Variants in FMNL3 observed in about 807,000 individuals in gnomAD.
FMNL3 encodes formin-like protein 3.
FMNL3 carries 57 observed loss-of-function variants against 119.6 expected under a neutral mutation model. That is an observed-to-expected ratio of 0.48 (90% CI 0.39 to 0.59). FMNL3 has a LOEUF of 0.59. FMNL3 is among the 20% of genes least tolerant of loss of function. The pLI is 0.00. For synonymous variants in FMNL3, 491 were observed against 507.3 expected (o/e 0.97, Z 0.43); for missense variants, 1,053 against 1,323.5 (o/e 0.80, Z 3.17).
At position 49,657,138 on chromosome 12, in the gene FMNL3, G is replaced by T. The variant is rs201016800; in HGVS notation, c.658C>A (p.Gln220Lys). The T allele has an allele frequency of 1.2e-5, 19 of 1,614,134 alleles. No homozygotes were observed. Among genetic ancestry groups the T allele is most frequent in the Middle Eastern group, 3.3e-4 (2 of 6,060 alleles). Residue 220 changes from glutamine to lysine, a missense_variant, in exon 7 of 26, where the codon CAG (glutamine) becomes AAG (lysine). Physicochemically the swap from Gln to Lys is moderately conservative, Grantham distance 53. Around this residue, in one of 4 missense-constraint regions of FMNL3, gnomAD observed 445 missense variants for 628.4 expected, o/e 0.71. Coordinates refer to ENST00000335154, the MANE Select transcript of FMNL3 (RefSeq NM_175736.5). ...ATACAGACGTGGACGTCATCCTTCT[G>T]GCTCACTAGGCGGGAGTTCTTCAGG... ...RALKNSRLVS[Q>K]KDDVHVCILC... is the part of the protein sequence containing the mutation.
At chr12:49,691,642 G>T (rs1475095961) in intron 1 of FMNL3, among the ~76,000 whole-genome samples, 3 of 152,210 alleles carry the variant, frequency 2.0e-5, no homozygotes, top group African/African-American at 7.2e-5. Flanking sequence ...CAGGGCAGTG[G>T]CCAGTTGCTG....
Position 49,644,426 on chromosome 12 carries a change from T to C in FMNL3, c.*1389A>G. 1.8e-6 allele frequency: 1 copy of C among 549,750 alleles called. No individual in the cohort carries two copies. The highest frequency in any genetic ancestry group is 3.2e-5 in the East Asian group (1 of 31,444). The allele number at this position is 549,750 out of a possible 1,614,324, so 34.1% of individuals were successfully genotyped here. ...TCAGCCCCAGACCAGAGATGGGTGG[T>C]ATATGCCATGTGGGGTGGGTGATGC... On this transcript the variant is annotated 3_prime_UTR_variant, in exon 26 of 26. Coordinates refer to ENST00000335154, the MANE Select transcript of FMNL3 (RefSeq NM_175736.5).
At chr12:49,706,173 T>A (rs191138742) in intron 1 of FMNL3, among the ~76,000 whole-genome samples, 7 of 152,348 alleles carry the variant, frequency 4.6e-5, no homozygotes. Flanking sequence ...TTCCCGGTGA[T>A]ACCAGCTCAG....
chr12:49,650,005 G>GTTGTGTC, intron 17 of FMNL3, 80 bp from the exon 18 acceptor site: 1 of 1,259,310 alleles, frequency 7.9e-7, no homozygotes, highest in Non-Finnish European at 1.1e-6. Context: ...CAAGCTCCTA[G>GTTGTGTC]AAGAACTGGA....
rs750340891 is a variant in FMNL3 at position 49,642,714 on chromosome 12, T to C, written c.*3101A>G. ...GTCCTCTGGATCTGCCTCAGGCCCT[T>C]GAACTCATTAGACCAGTTCAACAGA... On this transcript the variant is annotated 3_prime_UTR_variant, in exon 26 of 26. Transcript: ENST00000335154. The surrounding 1 kb of genome is among the most constrained non-coding windows in gnomAD (Gnocchi z 5.8). The C allele has an allele frequency of 1.9e-6, 3 of 1,594,004 alleles. No individual in the cohort carries two copies. Among genetic ancestry groups the C allele is most frequent in the Non-Finnish European group, 2.6e-6 (3 of 1,168,476 alleles).
At position 49,644,218 on chromosome 12, in the gene FMNL3, G is replaced by T. The variant is rs763969459; in HGVS notation, c.*1597C>A. ...CCCAATGAGCTGTTCTCTGCCTCGG[G>T]TCTGTGTGAGGCCATGGCTCCTGGG... On this transcript the variant is annotated 3_prime_UTR_variant, in exon 26 of 26. Transcript: ENST00000335154. The T allele has an allele frequency of 2.5e-6, 4 of 1,612,390 alleles. No individual in the cohort carries two copies. Among genetic ancestry groups the T allele is most frequent in the Non-Finnish European group, 3.4e-6 (4 of 1,178,730 alleles).
In FMNL3 at chr12:49,707,246, G is replaced by C. The variant is rs1218581704; in HGVS notation, c.-66C>G. ...ACGCTCCGGAGCTTTCGGCTCCGCG[G>C]CTCCGACCAGGCTCCTCCCTCAGCG... On this transcript the variant is annotated 5_prime_UTR_variant, in exon 1 of 26. Transcript: ENST00000335154. 7.3e-7 allele frequency: 1 copy of C among 1,369,826 alleles called. No individual in the cohort carries two copies. The highest frequency in any genetic ancestry group is 9.5e-7 in the Non-Finnish European group (1 of 1,050,526). The allele number at this position is 1,369,826 out of a possible 1,614,324, so 84.9% of individuals were successfully genotyped here.
chr12:49,697,753 G>C (rs545115935), intron 1 of FMNL3, among the ~76,000 whole-genome samples: 1 of 152,126 alleles, frequency 6.6e-6, no homozygotes, highest in Admixed American at 6.5e-5. Context: ...GTTGTCTCCT[G>C]TAAGCATCCT....
At chr12:49,682,255 A>G (rs892189008) in intron 1 of FMNL3, among the ~76,000 whole-genome samples, 2 of 152,006 alleles carry the variant, frequency 1.3e-5, no homozygotes, top group Admixed American at 6.6e-5. Flanking sequence ...TATTTTTAGT[A>G]GAGACGGGGT....
intron 1 of FMNL3, among the ~76,000 whole-genome samples, chr12:49,672,290 G>T (rs1478925769): frequency 6.6e-6 from 1 of 152,044 alleles, no homozygotes; most frequent in African/African-American, 2.4e-5. Context: ...TTATCTTGAG[G>T]GGTGGGGGAC....
At chr12:49,651,837 T>C (rs1943412005) in intron 14 of FMNL3, 96 bp downstream of exon 14, 4 of 1,450,694 alleles carry the variant, frequency 2.8e-6, no homozygotes, top group Non-Finnish European at 3.6e-6. Flanking sequence ...ATAATGCCAT[T>C]TTCCCAGCTT....
In FMNL3 at chr12:49,649,322, C is replaced by G; in HGVS notation, c.2322G>C (p.Gly774=). Reference sequence around the variant, plus strand: ...CCCGCTTGCTGCTGTTCATGTAGTTCCCCAGTGCAAGTATGATCTGTCCAA... The same window carrying G: ...CCCGCTTGCTGCTGTTCATGTAGTTGCCCAGTGCAAGTATGATCTGTCCAA... ...KQMLEIILAL[G]NYMNSSKRGA... Residue 774 remains glycine (G), a synonymous_variant, in exon 20 of 26, where the codon GGG becomes GGC. Coordinates refer to ENST00000335154, the MANE Select transcript of FMNL3 (RefSeq NM_175736.5). The surrounding 1 kb of genome is among the most constrained non-coding windows in gnomAD (Gnocchi z 5.6). The G allele has an allele frequency of 6.2e-7, 1 of 1,614,164 alleles. No homozygotes were observed. Among genetic ancestry groups the G allele is most frequent in the Non-Finnish European group, 8.5e-7 (1 of 1,180,040 alleles).
chr12:49,662,055 G>GATAAAGGAAACACAGTGGA lies in FMNL3; in HGVS notation c.369-25_369-7dup. ...TCAGAAATTCCCGCACCCACCTGCA[G>GATAAAGGAAACACAGTGGA]ATAAAGGAAACACAGTGGAAGGGGT... is the stretch of plus-strand genomic sequence containing the variant. On this transcript the variant is annotated splice_region_variant and splice_polypyrimidine_tract_variant and intron_variant, in intron 4 of 25. Transcript: ENST00000335154. 8 of 1,614,106 alleles carry GATAAAGGAAACACAGTGGA rather than the reference G, an allele frequency of 5.0e-6. No homozygotes were observed. The highest frequency in any genetic ancestry group is 6.8e-6 in the Non-Finnish European group (8 of 1,180,006).
rs2138572420 is a variant in FMNL3, at chr12:49,638,467, T to C, written c.*7348A>G. 6.6e-6 allele frequency: 1 copy of C among 152,376 alleles called. No individual in the cohort carries two copies. Among genetic ancestry groups the C allele is most frequent in the African/African-American group, 2.4e-5 (1 of 41,578 alleles). 9.4% of individuals were successfully genotyped at this position (152,376 alleles called of 1,614,324 possible). A position where few individuals can be genotyped will look rare whatever the true frequency, so the allele number is the denominator to read the frequency against. On this transcript the variant is annotated 3_prime_UTR_variant, in exon 26 of 26. Coordinates refer to ENST00000335154, the MANE Select transcript of FMNL3 (RefSeq NM_175736.5). The stretch of plus-strand genomic sequence containing the variant: ...ATTCCTTAGTGCCTTCTTGATACTG[T>C]CGCAAGTGTCAGCTGCCATTTACCA...
chr12:49,693,769 C>T (rs1424671182), intron 1 of FMNL3, among the ~76,000 whole-genome samples: 3 of 150,366 alleles, frequency 2.0e-5, no homozygotes, highest in Non-Finnish European at 4.4e-5. Flanking sequence ...CTGCATCGGC[C>T]TCCTGACTAG....
rs775235828 is a variant in FMNL3, at chr12:49,661,951, C to G, written c.452+15G>C. Reference sequence around the variant, plus strand: ...CCCAACTGGTCCCCAACTTCAGCCCCGGGGTGGTACTCACATGACAGAACA... The same window carrying G: ...CCCAACTGGTCCCCAACTTCAGCCCGGGGGTGGTACTCACATGACAGAACA... On this transcript the variant is annotated intron_variant, in intron 5 of 25. Transcript: ENST00000335154. The G allele has an allele frequency of 6.2e-7, 1 of 1,613,332 alleles. No individual in the cohort carries two copies. Among genetic ancestry groups the G allele is most frequent in the Non-Finnish European group, 8.5e-7 (1 of 1,179,304 alleles).
At chr12:49,657,412 C>T (rs550352099) in intron 6 of FMNL3, among the ~76,000 whole-genome samples, 14 of 152,260 alleles carry the variant, frequency 9.2e-5, no homozygotes, top group Admixed American at 7.2e-4. Flanking sequence ...TTCAGGATCC[C>T]GGTTTTATAA....
chr12:49,654,264 C>G lies in FMNL3; in HGVS notation c.999G>C (p.Ser333=), dbSNP rs748780465. The stretch of plus-strand genomic sequence containing the variant: ...GGACCCGGAAGTTCATGTCCTCCAC[C>G]GAGTGCACCACGATGTTGATGAACT... ...CMQFINIVVH[S]VEDMNFRVHL... is the part of the protein sequence containing the mutation. Residue 333 remains serine, a synonymous_variant, in exon 11 of 26, where the codon TCG becomes TCC. Coordinates refer to ENST00000335154, the MANE Select transcript of FMNL3 (RefSeq NM_175736.5). 13 of 1,613,920 alleles carry G rather than the reference C, an allele frequency of 8.1e-6. No individual in the cohort carries two copies. The highest frequency in any genetic ancestry group is 1.1e-5 in the Non-Finnish European group (13 of 1,180,008).
rs1234572488 is a variant in FMNL3 at position 49,640,159 on chromosome 12, T to C, written c.*5656A>G. ...AGGCAGACCATGATGGTGCCTTTCA[T>C]CCCATAGGATAATGCAAAGAGCCCT... On this transcript the variant is annotated 3_prime_UTR_variant, in exon 26 of 26. Transcript: ENST00000335154. 4 of 152,142 alleles carry C rather than the reference T, an allele frequency of 2.6e-5. No individual in the cohort carries two copies. The highest frequency in any genetic ancestry group is 4.4e-5 in the Non-Finnish European group (3 of 68,024). The allele number at this position is 152,142 out of a possible 1,614,324, so 9.4% of individuals were successfully genotyped here.
Sources: allele counts gnomAD v4.1 joint callset (sites outside exome capture counted in the v4.1 genomes callset), GRCh38; gene constraint gnomAD v4.1.1; regional missense constraint gnomAD v4.1.1; non-coding constraint Gnocchi (gnomAD v3.1); transcripts MANE v1.5; gene names NCBI Gene and HGNC (gene_info 2026-07-23, HGNC 2026-07-21).